The following EDA variants were observed in gnomAD, a reference collection of about 807,000 sequenced individuals.
The protein encoded by EDA is ectodysplasin A, also known as ectodysplasin-A.
EDA carries 2 observed loss-of-function variants against 23.6 expected under a neutral mutation model. That is an observed-to-expected ratio of 0.08 (90% CI 0.03 to 0.27). EDA has a LOEUF of 0.27. EDA is among the 10% of genes least tolerant of loss of function. The probability of loss-of-function intolerance (pLI) is 1.00; values close to 1 mark genes in which losing one functional copy is unlikely to be tolerated. For missense variants in EDA, 229 were observed against 324.2 expected (o/e 0.71, Z 2.26); for synonymous variants, 131 against 132.0 (o/e 0.99, Z 0.05).
At chrX:69,942,244 T>C (rs367888083) in intron 1 of EDA, among the ~76,000 whole-genome samples, 2 of 111,874 alleles carry the variant, frequency 1.8e-5, no homozygotes, top group East Asian at 5.6e-4. Flanking sequence ...TACAATGTTA[T>C]AATATTCTGT....
chrX:69,635,717 C>T (rs367545874), intron 1 of EDA, among the ~76,000 whole-genome samples: 4 of 109,029 alleles, frequency 3.7e-5, no homozygotes, highest in Non-Finnish European at 5.7e-5. Context: ...TACAGGCGCC[C>T]GCCACCATGC....
intron 2 of EDA, among the ~76,000 whole-genome samples, chrX:69,989,853 G>A: frequency 9.4e-6 from 1 of 105,999 alleles, no homozygotes. Flanking sequence ...GAGCCTCAGG[G>A]AACCCGTGGG....
chrX:70,014,817 A>G (rs2019924467), intron 2 of EDA, among the ~76,000 whole-genome samples: 1 of 112,370 alleles, frequency 8.9e-6, no homozygotes, highest in South Asian at 3.7e-4. Context: ...AGAACCTCAG[A>G]TCTCACAGAC....
intron 1 of EDA, among the ~76,000 whole-genome samples, chrX:69,886,303 G>A (rs974179247): frequency 4.5e-5 from 5 of 111,684 alleles, no homozygotes; most frequent in African/African-American, 6.5e-5. Context: ...CCTTGCAGGC[G>A]GACCTGATGT....
At chrX:69,830,433 C>T (rs936900263) in intron 1 of EDA, among the ~76,000 whole-genome samples, 8 of 111,229 alleles carry the variant, frequency 7.2e-5, no homozygotes, top group Admixed American at 1.9e-4. Flanking sequence ...GTTAGCCACA[C>T]GTTGTATATG....
At chrX:69,803,589 C>T (rs1335578439) in intron 1 of EDA, among the ~76,000 whole-genome samples, 2 of 111,064 alleles carry the variant, frequency 1.8e-5, no homozygotes, top group African/African-American at 3.3e-5. Context: ...CTTTTGCTGT[C>T]GCCGTAATGT....
chrX:69,901,666 G>C (rs1268905386), intron 1 of EDA, among the ~76,000 whole-genome samples: 6 of 111,782 alleles, frequency 5.4e-5, no homozygotes, highest in African/African-American at 2.0e-4. Context: ...AACTGGGCAA[G>C]AAATAGCAGA....
intron 1 of EDA, among the ~76,000 whole-genome samples, chrX:69,826,600 C>T (rs1223803335): frequency 1.8e-5 from 2 of 108,640 alleles, no homozygotes; most frequent in African/African-American, 6.8e-5. Flanking sequence ...TGTCTCTGCA[C>T]GTGAGATGGG....
At chrX:70,005,611 G>A (rs1252965834) in intron 2 of EDA, among the ~76,000 whole-genome samples, 1 of 108,667 alleles carries the variant, frequency 9.2e-6, no homozygotes, top group Non-Finnish European at 1.9e-5. Flanking sequence ...TAAAGGATGT[G>A]TAGGTATTGA....
At chrX:70,027,777 C>G (rs1167186290) in intron 3 of EDA, 80 bp from the exon 4 acceptor site, 1 of 513,880 alleles carries the variant, frequency 1.9e-6, no homozygotes, top group Non-Finnish European at 3.5e-6. Context: ...GAGCCGAGAT[C>G]GTGCCACTGA....
At chrX:69,811,325 C>A (rs2015950953) in intron 1 of EDA, among the ~76,000 whole-genome samples, 1 of 112,465 alleles carries the variant, frequency 8.9e-6, no homozygotes, top group Non-Finnish European at 1.9e-5. Flanking sequence ...AAGGCCTGGG[C>A]CAATATGCGT....
intron 1 of EDA, among the ~76,000 whole-genome samples, chrX:69,668,702 G>A (rs754688539): frequency 1.8e-5 from 2 of 110,681 alleles, no homozygotes; most frequent in East Asian, 2.9e-4. Context: ...TCAGCCTCCC[G>A]AGTAGCTGGG....
intron 1 of EDA, among the ~76,000 whole-genome samples, chrX:69,686,968 A>T (rs1391292350): frequency 1.8e-5 from 2 of 111,808 alleles, no homozygotes; most frequent in African/African-American, 6.5e-5. Flanking sequence ...GTCATATGGT[A>T]ACTCTCTGTT....
intron 1 of EDA, among the ~76,000 whole-genome samples, chrX:69,790,032 C>G (rs759272539): frequency 1.8e-5 from 2 of 111,656 alleles, no homozygotes; most frequent in African/African-American, 3.3e-5. Flanking sequence ...TCTTGAGCAT[C>G]TTGAGTACTT....
At chrX:69,809,778 C>T (rs1295556602) in intron 1 of EDA, among the ~76,000 whole-genome samples, 2 of 111,013 alleles carry the variant, frequency 1.8e-5, no homozygotes, top group African/African-American at 3.3e-5. Flanking sequence ...GAAGATTTGC[C>T]ATTTGGTGCA....
At chrX:69,763,254 C>T (rs2014366564) in intron 1 of EDA, among the ~76,000 whole-genome samples, 1 of 112,128 alleles carries the variant, frequency 8.9e-6, no homozygotes, top group African/African-American at 3.2e-5. Context: ...TCCTGTTTTG[C>T]ATGTGACCAT....
intron 1 of EDA, among the ~76,000 whole-genome samples, chrX:69,711,123 G>C (rs1408491359): frequency 1.5e-4 from 17 of 111,482 alleles, no homozygotes; most frequent in Non-Finnish European, 3.0e-4. Flanking sequence ...GATATTGGCT[G>C]TGGGTTTGTC....
intron 1 of EDA, chrX:69,620,985 C>A (rs902790213): frequency 1.4e-5 from 5 of 346,069 alleles, no homozygotes; most frequent in Non-Finnish European, 2.8e-5. Flanking sequence ...TCACTGATTT[C>A]TAGAATAATT....
chrX:69,679,505 A>G (rs1237647516), intron 1 of EDA, among the ~76,000 whole-genome samples: 1 of 111,264 alleles, frequency 9.0e-6, no homozygotes, highest in Non-Finnish European at 1.9e-5. Context: ...AGATCCTGTT[A>G]TTGGTCTATT....
Sources: allele counts gnomAD v4.1 joint callset (sites outside exome capture counted in the v4.1 genomes callset), GRCh38; gene constraint gnomAD v4.1.1; transcripts MANE v1.5; gene names NCBI Gene and HGNC (gene_info 2026-07-23, HGNC 2026-07-21).